PRDM6: variants seen among roughly 807,000 people sequenced by gnomAD.
The protein encoded by PRDM6 is PR/SET domain 6, also known as putative histone-lysine N-methyltransferase PRDM6.
In PRDM6, 25 loss-of-function variants were observed where a neutral mutation model predicts 60.8. That is an observed-to-expected ratio of 0.41 (90% CI 0.30 to 0.57). PRDM6 has a LOEUF of 0.57. Ranked by LOEUF, PRDM6 falls within the 20% of genes least tolerant of loss-of-function variation. The pLI is 0.27. For synonymous variants in PRDM6, 407 were observed against 357.4 expected (o/e 1.14, Z -1.57); for missense variants, 839 against 821.3 (o/e 1.02, Z -0.26).
chr5:123,101,401 C>T (rs1215436149), intron 3 of PRDM6, among the ~76,000 whole-genome samples: 5 of 152,102 alleles, frequency 3.3e-5, no homozygotes, highest in Admixed American at 6.5e-5. Context: ...TGGAGTGCCC[C>T]GGCTCAAAGC....
intron 2 of PRDM6, among the ~76,000 whole-genome samples, chr5:123,094,631 C>T (rs1203142517): frequency 6.6e-6 from 1 of 152,158 alleles, no homozygotes; most frequent in East Asian, 1.9e-4. Context: ...TAATCTCCAT[C>T]GATATGTGCC....
intron 3 of PRDM6, among the ~76,000 whole-genome samples, chr5:123,122,555 C>T (rs1361278529): frequency 6.6e-6 from 1 of 152,096 alleles, no homozygotes; most frequent in African/African-American, 2.4e-5. Context: ...TGTTTTTCTG[C>T]TTTCTCTTGA....
intron 2 of PRDM6, among the ~76,000 whole-genome samples, chr5:123,097,655 G>A (rs1472580526): frequency 6.6e-6 from 1 of 152,192 alleles, no homozygotes; most frequent in Non-Finnish European, 1.5e-5. Flanking sequence ...AAGCTTGAGA[G>A]GGTGTGTGAA....
Position 123,187,309 on chromosome 5 carries a change from A to C in PRDM6, c.*108A>C, listed in dbSNP as rs1766311242. 1 of 761,478 alleles carries C rather than the reference A, an allele frequency of 1.3e-6. No individual in the cohort carries two copies. The allele number at this position is 761,478 out of a possible 1,614,324, so 47.2% of individuals were successfully genotyped here. On this transcript the variant is annotated 3_prime_UTR_variant, in exon 8 of 8. Coordinates refer to ENST00000407847, the MANE Select transcript of PRDM6 (RefSeq NM_001136239.4). ...TGAGCAACTTTCAATCAGTCCCAGA[A>C]AACCAAAAGCAGTAATAAAATAAGT... is the stretch of plus-strand genomic sequence containing the variant.
chr5:123,142,307 G>GCTTCA (rs10629804), intron 3 of PRDM6, among the ~76,000 whole-genome samples: 108,601 of 151,592 alleles, frequency 0.72, 39,031 homozygotes, highest in Non-Finnish European at 0.74. Flanking sequence ...TAAAGCCCAT[G>GCTTCA]CAATGGAGCA....
chr5:123,139,969 C>T (rs1343216548), intron 3 of PRDM6, among the ~76,000 whole-genome samples: 2 of 152,108 alleles, frequency 1.3e-5, no homozygotes, highest in Non-Finnish European at 2.9e-5. Context: ...GATGCTGACA[C>T]ACTTGTAACC....
intron 5 of PRDM6, among the ~76,000 whole-genome samples, chr5:123,167,302 C>G (rs568404662): frequency 2.0e-5 from 3 of 152,170 alleles, no homozygotes; most frequent in South Asian, 4.1e-4. Context: ...CTCTCTTCAT[C>G]CCTACTCCCC....
chr5:123,162,981 G>C (rs903776328), intron 5 of PRDM6, among the ~76,000 whole-genome samples: 2 of 152,206 alleles, frequency 1.3e-5, no homozygotes, highest in Admixed American at 1.3e-4. Flanking sequence ...CCACAGCCCT[G>C]AGTAATTTAA....
chr5:123,122,718 C>G lies in PRDM6; in HGVS notation c.900+22757C>G, dbSNP rs139564212. On this transcript the variant is annotated intron_variant, in intron 3 of 7. Transcript: ENST00000407847. ...AAAATAAAAATTACCTATAATGTCT[C>G]TAGTTGGAGGTAATAACTTGGTATT... Among the ~76,000 whole-genome samples the G allele has an allele frequency of 6.9e-3, 1,054 of 152,114 alleles. 12 individuals carry two copies. Among genetic ancestry groups the G allele is most frequent in the African/African-American group, 0.024 (1,014 of 41,488 alleles).
At position 123,090,351 on chromosome 5, in the gene PRDM6, G is replaced by C; in HGVS notation, c.337G>C (p.Val113Leu). ...AALAGLSALP[V>L]SQLPVFAPLA... ...GCTGGCTGGTCTCTCGGCCCTGCCGGTGTCGCAGCTGCCGGTGTTCGCGCC... is the reference window on the plus strand; with the variant it reads ...GCTGGCTGGTCTCTCGGCCCTGCCGCTGTCGCAGCTGCCGGTGTTCGCGCC... Residue 113 changes from valine to leucine, a missense_variant, in exon 2 of 8, where the codon GTG (valine) becomes CTG (leucine). Val to Leu is a conservative substitution (Grantham distance 32). This residue lies in a region of PRDM6 where 730 missense variants were observed against 648.8 expected (regional missense o/e 1.13). Coordinates refer to ENST00000407847, the MANE Select transcript of PRDM6 (RefSeq NM_001136239.4). 1.4e-6 allele frequency: 2 copies of C among 1,474,834 alleles called. No homozygotes were observed. The highest frequency in any genetic ancestry group is 1.8e-6 in the Non-Finnish European group (2 of 1,118,028). 91.4% of individuals were successfully genotyped at this position (1,474,834 alleles called of 1,614,324 possible). A position where few individuals can be genotyped will look rare whatever the true frequency, so the allele number is the denominator to read the frequency against.
intron 3 of PRDM6, among the ~76,000 whole-genome samples, chr5:123,143,713 T>C (rs1201332237): frequency 2.0e-5 from 3 of 152,150 alleles, no homozygotes; most frequent in African/African-American, 7.2e-5. Flanking sequence ...ACCAGGCTTG[T>C]TTGGAGTCCT....
intron 3 of PRDM6, among the ~76,000 whole-genome samples, chr5:123,122,899 G>T (rs1300314655): frequency 6.6e-6 from 1 of 152,058 alleles, no homozygotes; most frequent in African/African-American, 2.4e-5. Flanking sequence ...TTTAATGATT[G>T]CCTAGTATCC....
chr5:123,146,549 A>G (rs335170), intron 3 of PRDM6, among the ~76,000 whole-genome samples: 1 of 151,922 alleles, frequency 6.6e-6, no homozygotes, highest in East Asian at 1.9e-4. Context: ...TGTTAATACA[A>G]ATTTCTCTGT....
At chr5:123,137,529 C>T (rs755457759) in intron 3 of PRDM6, among the ~76,000 whole-genome samples, 2 of 152,136 alleles carry the variant, frequency 1.3e-5, no homozygotes, top group African/African-American at 2.4e-5. Flanking sequence ...TCTGAGCAAA[C>T]TAACACAAGA....
chr5:123,182,839 A>G (rs1457821288), intron 7 of PRDM6, among the ~76,000 whole-genome samples: 1 of 152,086 alleles, frequency 6.6e-6, no homozygotes, highest in Non-Finnish European at 1.5e-5. Flanking sequence ...TTAATTTATC[A>G]AATAGATATT....
intron 3 of PRDM6, among the ~76,000 whole-genome samples, chr5:123,129,258 C>G (rs1027203153): frequency 6.6e-6 from 1 of 152,074 alleles, no homozygotes; most frequent in Non-Finnish European, 1.5e-5. Context: ...CTCTTTTTTG[C>G]TTCCATATGA....
At chr5:123,160,245 C>G (rs934704800) in intron 5 of PRDM6, among the ~76,000 whole-genome samples, 5 of 152,198 alleles carry the variant, frequency 3.3e-5, no homozygotes, top group Non-Finnish European at 7.3e-5. Context: ...ACCGTGCCAA[C>G]CATTATCTTT....
At chr5:123,181,047 A>T (rs1464190970) in intron 7 of PRDM6, among the ~76,000 whole-genome samples, 1 of 152,254 alleles carries the variant, frequency 6.6e-6, no homozygotes, top group Non-Finnish European at 1.5e-5. Context: ...AATGGTGGAC[A>T]TCTGAATCCG....
chr5:123,180,545 C>T lies in PRDM6; in HGVS notation c.1673+222C>T, dbSNP rs543436286. On this transcript the variant is annotated intron_variant, in intron 7 of 7. Transcript: ENST00000407847. ...CCTAGCTCAAGTTGCCAACCTTGGT[C>T]GTGAGACAAATCTTCTGGGTCTGTT... 7.2e-5 allele frequency among the ~76,000 whole-genome samples: 11 copies of T among 152,264 alleles called. 1 individual carries two copies. The South Asian group carries it at 2.1e-3, about 29-fold the overall frequency.
Sources: allele counts gnomAD v4.1 joint callset (sites outside exome capture counted in the v4.1 genomes callset), GRCh38; gene constraint gnomAD v4.1.1; regional missense constraint gnomAD v4.1.1; transcripts MANE v1.5; gene names NCBI Gene and HGNC (gene_info 2026-07-23, HGNC 2026-07-21).